Variants in INSR observed in about 807,000 individuals in gnomAD.
INSR encodes the protein IR.
In INSR, 67 loss-of-function variants were observed where a neutral mutation model predicts 142.6. That is an observed-to-expected ratio of 0.47 (90% confidence interval 0.39 to 0.58). The LOEUF is 0.58. Ranked by LOEUF, INSR falls within the 20% of genes least tolerant of loss-of-function variation. The probability of loss-of-function intolerance (pLI) is 0.00; values close to 1 mark genes in which losing one functional copy is unlikely to be tolerated. For synonymous variants in INSR, 756 were observed against 743.1 expected, an observed-to-expected ratio of 1.02 and a Z score of -0.28; for missense variants, 1,248 against 1,833.2, an observed-to-expected ratio of 0.68 and a Z score of 5.83.
intron 2 of INSR, among the ~76,000 whole-genome samples, chr19:7,204,000 AGCCTCCTG>A: frequency 2.0e-5 from 3 of 152,062 alleles, no homozygotes. Context: ...CTCCTGCCTC[AGCCTCCTG>A]AGTAGCTGGG....
intron 13 of INSR, among the ~76,000 whole-genome samples, chr19:7,139,100 G>T (rs1973006434): frequency 6.6e-6 from 1 of 152,110 alleles, no homozygotes; most frequent in Non-Finnish European, 1.5e-5. Context: ...CCTTGCCTGG[G>T]CTAGCTCACT....
At chr19:7,213,114 A>T (rs1003278487) in intron 2 of INSR, among the ~76,000 whole-genome samples, 1 of 151,562 alleles carries the variant, frequency 6.6e-6, no homozygotes, top group Non-Finnish European at 1.5e-5. Context: ...GGGAGGCCGA[A>T]GTGGGCGGAT....
At chr19:7,233,417 T>C (rs1008614250) in intron 2 of INSR, among the ~76,000 whole-genome samples, 1 of 152,168 alleles carries the variant, frequency 6.6e-6, no homozygotes, top group Non-Finnish European at 1.5e-5. Context: ...CGTACTATGC[T>C]GTGTGGCCTG....
At chr19:7,286,980 G>A (rs947244078) in intron 1 of INSR, among the ~76,000 whole-genome samples, 3 of 151,758 alleles carry the variant, frequency 2.0e-5, no homozygotes, top group Non-Finnish European at 4.4e-5. Flanking sequence ...CCAAGTAGCT[G>A]GGACTACAGA....
chr19:7,204,383 T>G (rs2042901), intron 2 of INSR, among the ~76,000 whole-genome samples: 118,037 of 151,834 alleles, frequency 0.78, 46,194 homozygotes, highest in African/African-American at 0.86. Context: ...TTCCCCTCTA[T>G]AAGTTACGAG....
intron 15 of INSR, among the ~76,000 whole-genome samples, chr19:7,127,364 G>T (rs2860172): frequency 0.21 from 31,905 of 152,040 alleles, 3,563 homozygotes; most frequent in East Asian, 0.4. Context: ...AGATTAAATT[G>T]TACAATGCCT....
chr19:7,130,873 CTCTT>C (rs1383604690), intron 14 of INSR, among the ~76,000 whole-genome samples: 3 of 148,048 alleles, frequency 2.0e-5, no homozygotes, highest in East Asian at 3.9e-4. Flanking sequence ...CTCTCTTTCA[CTCTT>C]TCTTTCTTTT....
Position 7,166,095 on chromosome 19 carries a change from C to T in INSR, c.1861+59G>A. 2 of 1,599,020 alleles carry T rather than the reference C, an allele frequency of 1.3e-6. No individual in the cohort carries two copies. Among genetic ancestry groups the T allele is most frequent in the Non-Finnish European group, 1.7e-6 (2 of 1,167,094 alleles). ...ATTTTATACAACCTCACTGCATCAG[C>T]CTATTAAAAGCAAGAGGTCTGATTC... is the stretch of plus-strand genomic sequence containing the variant. On this transcript the variant is annotated intron_variant, in intron 8 of 21. Coordinates refer to ENST00000302850, the MANE Select transcript of INSR (RefSeq NM_000208.4). The surrounding 1 kb of genome is among the most constrained non-coding windows in gnomAD (Gnocchi z 4.1).
At chr19:7,268,478 C>T in intron 1 of INSR, 1 of 985,346 alleles carries the variant, frequency 1.0e-6, no homozygotes, top group Non-Finnish European at 1.2e-6. Context: ...AGTTCTCATT[C>T]TCCTGAAGGC....
At chr19:7,291,608 A>G (rs182032886) in intron 1 of INSR, among the ~76,000 whole-genome samples, 248 of 152,286 alleles carry the variant, frequency 1.6e-3, no homozygotes, top group African/African-American at 5.5e-3. Context: ...GTGAACAACA[A>G]CAAACCATAA....
At position 7,239,041 on chromosome 19, in the gene INSR, T is replaced by A. The variant is rs55691258; in HGVS notation, c.652+28304A>T. Among the ~76,000 whole-genome samples, 1,117 of 132,630 alleles carry A rather than the reference T, an allele frequency of 8.4e-3. 7 individuals are homozygous for A. Among genetic ancestry groups the A allele is most frequent in the Non-Finnish European group, 0.014 (876 of 63,064 alleles). 87.0% of individuals were successfully genotyped at this position (132,630 alleles called of 152,430 possible). On this transcript the variant is annotated intron_variant, in intron 2 of 21. Transcript: ENST00000302850. ...TCCTATTATTACTACAAAAAAAAAA[T>A]TACAGATTTAAAGAAGAGCAACTGA...
chr19:7,257,930 C>G (rs1476267820), intron 2 of INSR, among the ~76,000 whole-genome samples: 2 of 152,224 alleles, frequency 1.3e-5, no homozygotes, highest in Non-Finnish European at 2.9e-5. Context: ...TCAAGTGATT[C>G]TCCTGCCTCA....
Position 7,150,445 on chromosome 19 carries a change from G to T in INSR, c.2267+52C>A. On this transcript the variant is annotated intron_variant, in intron 11 of 21. Coordinates refer to ENST00000302850, the MANE Select transcript of INSR (RefSeq NM_000208.4). The surrounding 1 kb of genome is among the most constrained non-coding windows in gnomAD (Gnocchi z 4.2). ...GTTCTCCGAGGCATCTGCCTGGCACGCCGCCGGCCCTGCGCGGAGCAGGCA... is the reference window on the plus strand; with the variant it reads ...GTTCTCCGAGGCATCTGCCTGGCACTCCGCCGGCCCTGCGCGGAGCAGGCA... 6.3e-7 allele frequency: 1 copy of T among 1,584,066 alleles called. No homozygotes were observed. Among genetic ancestry groups the T allele is most frequent in the Non-Finnish European group, 8.7e-7 (1 of 1,153,886 alleles).
At position 7,153,013 on chromosome 19, in the gene INSR, C is replaced by CCA. The variant is rs376413835; in HGVS notation, c.2030-88_2030-87dup. 43 of 545,208 alleles carry CCA rather than the reference C, an allele frequency of 7.9e-5. 1 individual carries two copies. Among genetic ancestry groups the CCA allele is most frequent in the African/African-American group, 5.0e-4 (9 of 18,122 alleles). The allele number at this position is 545,208 out of a possible 1,614,324, so 33.8% of individuals were successfully genotyped here. Reference sequence around the variant, plus strand: ...CACACACACCCCACACACACACACACCACACACACACACCACACACACACA... The same window carrying CCA: ...CACACACACCCCACACACACACACACCACACACACACACACCACACACACACA... On this transcript the variant is annotated intron_variant, in intron 9 of 21. Transcript: ENST00000302850.
In INSR at chr19:7,162,384, T is replaced by C. The variant is rs185370195; in HGVS notation, c.2029+648A>G. Among the ~76,000 whole-genome samples the C allele has an allele frequency of 1.4e-4, 20 of 144,864 alleles. 1 individual carries two copies. Among genetic ancestry groups the C allele is most frequent in the Admixed American group, 8.3e-4 (12 of 14,400 alleles). On this transcript the variant is annotated intron_variant, in intron 9 of 21. Coordinates refer to ENST00000302850, the MANE Select transcript of INSR (RefSeq NM_000208.4). ...CATGCTGGTGCACACCTGCAGACAATTGTGGTGTTCCAGCAACTCATGAGG... is the reference window on the plus strand; with the variant it reads ...CATGCTGGTGCACACCTGCAGACAACTGTGGTGTTCCAGCAACTCATGAGG...
At chr19:7,266,253 T>C (rs1282435090) in intron 2 of INSR, among the ~76,000 whole-genome samples, 1 of 152,182 alleles carries the variant, frequency 6.6e-6, no homozygotes, top group East Asian at 1.9e-4. Context: ...GGAACACCAT[T>C]TGTCAATCTG....
At chr19:7,196,535 G>C (rs990150842) in intron 2 of INSR, among the ~76,000 whole-genome samples, 1 of 152,028 alleles carries the variant, frequency 6.6e-6, no homozygotes, top group African/African-American at 2.4e-5. Context: ...AATGACTTGC[G>C]CACAAAAATC....
chr19:7,168,553 G>A lies in INSR; in HGVS notation c.1484-459C>T, dbSNP rs144104549. Among the ~76,000 whole-genome samples, 3 of 152,074 alleles carry A rather than the reference G, an allele frequency of 2.0e-5. No homozygotes were observed. The highest frequency in any genetic ancestry group is 2.1e-4 in the South Asian group (1 of 4,814). On this transcript the variant is annotated intron_variant, in intron 6 of 21. Transcript: ENST00000302850. The surrounding 1 kb of genome is among the most constrained non-coding windows in gnomAD (Gnocchi z 4.3). ...GCAGATCATTAGACATCGGAGAGAC[G>A]CATCTAAGTAATTCTCTCTGCCTAG...
chr19:7,261,406 G>A (rs1208143486), intron 2 of INSR, among the ~76,000 whole-genome samples: 1 of 152,182 alleles, frequency 6.6e-6, no homozygotes, highest in African/African-American at 2.4e-5. Flanking sequence ...AAGGCTTCGT[G>A]CATTGGACCT....
Sources: gnomAD v4.1 joint callset for allele counts (sites outside exome capture counted in the v4.1 genomes callset) on GRCh38, gnomAD v4.1.1 for gene constraint, Gnocchi (gnomAD v3.1) non-coding constraint, MANE v1.5 for transcripts, NCBI Gene and HGNC (gene_info 2026-07-23, HGNC 2026-07-21) for gene names.